FOXP2: variants seen among roughly 807,000 people sequenced by gnomAD.
FOXP2 encodes the protein forkhead box protein P2.
In FOXP2, 12 loss-of-function variants were observed where a neutral mutation model predicts 115.8. That is an observed-to-expected ratio of 0.10 (90% CI 0.07 to 0.17). The LOEUF is 0.17. FOXP2 is among the 10% of genes least tolerant of loss of function. FOXP2 has a pLI of 1.00. For missense variants in FOXP2, 629 were observed against 843.5 expected (o/e 0.75, Z 3.15); for synonymous variants, 328 against 297.7 (o/e 1.10, Z -1.05).
intron 2 of FOXP2, among the ~76,000 whole-genome samples, chr7:114,365,840 A>G (rs1791866441): frequency 6.6e-6 from 1 of 152,130 alleles, no homozygotes; most frequent in Non-Finnish European, 1.5e-5. Context: ...CATCTCTACC[A>G]TCTATGGCTA....
intron 3 of FOXP2, among the ~76,000 whole-genome samples, chr7:114,551,556 A>G (rs908423632): frequency 2.6e-5 from 4 of 152,302 alleles, no homozygotes; most frequent in African/African-American, 9.6e-5. Context: ...GTGGTTCTTT[A>G]AAACTTATTT....
In FOXP2 at chr7:114,302,830, G is replaced by T. The variant is rs111829094; in HGVS notation, c.-11+14721G>T. Among the ~76,000 whole-genome samples, 162 of 152,260 alleles carry T rather than the reference G, an allele frequency of 1.1e-3. 1 individual carries two copies. Among genetic ancestry groups the T allele is most frequent in the African/African-American group, 3.6e-3 (150 of 41,552 alleles). On this transcript the variant is annotated intron_variant, in intron 2 of 17. Coordinates refer to the FOXP2 transcript ENST00000634411. ...TGAGAAGGCTGGGAAATGGCCACAT[G>T]GTAAGGAACTGTCAACAGCCTCTCA... is the stretch of plus-strand genomic sequence containing the variant.
chr7:114,361,227 A>G (rs894966904), intron 2 of FOXP2, among the ~76,000 whole-genome samples: 4 of 152,140 alleles, frequency 2.6e-5, no homozygotes, highest in Admixed American at 6.6e-5. Context: ...TTAAATGTCA[A>G]TAAGAACTTG....
Position 114,561,321 on chromosome 7 carries a change from T to C in FOXP2, c.258+26615T>C, listed in dbSNP as rs573140682. 6 of 152,318 alleles carry C rather than the reference T, an allele frequency of 3.9e-5. No homozygotes were observed. The South Asian group carries it at 1.0e-3, about 26-fold the overall frequency. 9.4% of individuals were successfully genotyped at this position (152,318 alleles called of 1,614,324 possible). On this transcript the variant is annotated intron_variant, in intron 3 of 16. Coordinates refer to ENST00000350908, the MANE Select transcript of FOXP2 (RefSeq NM_014491.4). ...TCAATTTTTTTTTCTCGAAGAATTT[T>C]ACTCTTTCAACACCAAGGAAACTCA...
chr7:114,576,939 A>G (rs1470919260), intron 3 of FOXP2, among the ~76,000 whole-genome samples: 1 of 152,020 alleles, frequency 6.6e-6, no homozygotes, highest in Admixed American at 6.6e-5. Context: ...AATTGTGCTC[A>G]TACACAAACA....
intron 2 of FOXP2, among the ~76,000 whole-genome samples, chr7:114,430,899 G>C (rs1262634740): frequency 6.6e-6 from 1 of 151,932 alleles, no homozygotes; most frequent in Non-Finnish European, 1.5e-5. Flanking sequence ...CAATACTCAT[G>C]TAAAAGATCC....
At position 114,462,434 on chromosome 7, in the gene FOXP2, C is replaced by T. The variant is rs370555551; in HGVS notation, c.168+35755C>T. Among the ~76,000 whole-genome samples the T allele has an allele frequency of 3.9e-5, 5 of 129,764 alleles. No homozygotes were observed. The East Asian group carries it at 9.6e-4, about 25-fold the overall frequency. 85.1% of individuals were successfully genotyped at this position (129,764 alleles called of 152,430 possible). ...TCGCCCAGGCTGAAGTGCATTGGCG[C>T]TATCTCGGCTCACTGCAACCTCCGC... is the stretch of plus-strand genomic sequence containing the variant. On this transcript the variant is annotated intron_variant, in intron 2 of 16. Coordinates refer to ENST00000350908, the MANE Select transcript of FOXP2 (RefSeq NM_014491.4).
At chr7:114,644,942 T>TAA (rs1425767614) in intron 8 of FOXP2, 153 bp downstream of exon 8, 3 of 612,410 alleles carry the variant, frequency 4.9e-6, no homozygotes, top group Non-Finnish European at 8.7e-6. Flanking sequence ...AGTGGATTAG[T>TAA]AAGATCAGGC....
chr7:114,100,932 C>T (rs1790932437), intron 1 of FOXP2, among the ~76,000 whole-genome samples: 1 of 152,122 alleles, frequency 6.6e-6, no homozygotes, highest in Admixed American at 6.6e-5. Context: ...CACAGATTGT[C>T]AACTGTGAAG....
chr7:114,161,842 T>A (rs1422310531), upstream of FOXP2, among the ~76,000 whole-genome samples: 1 of 152,054 alleles, frequency 6.6e-6, no homozygotes, highest in Non-Finnish European at 1.5e-5. Context: ...AGTAGCATGA[T>A]CTCAATCTTG....
chr7:114,654,252 T>C (rs1270698910), intron 10 of FOXP2: 3 of 864,234 alleles, frequency 3.5e-6, no homozygotes, highest in Non-Finnish European at 4.9e-6. Context: ...AGTGCACAAA[T>C]CACTGCCTTG....
chr7:114,217,805 G>C (rs1217710910), intron 1 of FOXP2, among the ~76,000 whole-genome samples: 1 of 152,170 alleles, frequency 6.6e-6, no homozygotes, highest in Non-Finnish European at 1.5e-5. Flanking sequence ...TCCATGACTT[G>C]TTTTATTCTG....
chr7:114,228,364 T>C (rs1794793495), intron 1 of FOXP2, among the ~76,000 whole-genome samples: 1 of 151,996 alleles, frequency 6.6e-6, no homozygotes, highest in African/African-American at 2.4e-5. Context: ...GTGCCTTTAT[T>C]AGCTTTTCAT....
intron 2 of FOXP2, among the ~76,000 whole-genome samples, chr7:114,297,801 C>G (rs932351370): frequency 6.6e-6 from 1 of 152,180 alleles, no homozygotes; most frequent in Non-Finnish European, 1.5e-5. Context: ...TCCATGTTCC[C>G]TTGTGAGTGA....
chr7:114,417,994 C>A (rs1488912121), intron 1 of FOXP2, among the ~76,000 whole-genome samples: 1 of 151,832 alleles, frequency 6.6e-6, no homozygotes, highest in Non-Finnish European at 1.5e-5. Context: ...GTAGACATTG[C>A]AATACATTTT....
At chr7:114,335,566 G>A (rs1797833278) in intron 2 of FOXP2, among the ~76,000 whole-genome samples, 1 of 151,720 alleles carries the variant, frequency 6.6e-6, no homozygotes, top group South Asian at 2.1e-4. Flanking sequence ...TTTATCTGTG[G>A]CAAATATGAC....
At chr7:114,141,490 T>C (rs1264373652) in intron 1 of FOXP2, among the ~76,000 whole-genome samples, 1 of 151,906 alleles carries the variant, frequency 6.6e-6, no homozygotes, top group African/African-American at 2.4e-5. Context: ...TGTGAAAAAT[T>C]AGATTCTTAG....
intron 14 of FOXP2, 148 bp downstream of exon 14, chr7:114,662,334 G>C: frequency 6.3e-6 from 7 of 1,106,722 alleles, no homozygotes; most frequent in Non-Finnish European, 9.3e-6. Context: ...TCTAGGTGTA[G>C]GTGGCATAAA....
chr7:114,671,592 CT>C (rs1337244874), intron 16 of FOXP2, among the ~76,000 whole-genome samples: 1 of 152,118 alleles, frequency 6.6e-6, no homozygotes, highest in Non-Finnish European at 1.5e-5. Context: ...TAAAAATTTC[CT>C]TTCTCTAACG....
Sources: gnomAD v4.1 joint callset for allele counts (sites outside exome capture counted in the v4.1 genomes callset) on GRCh38, gnomAD v4.1.1 for gene constraint, MANE v1.5 for transcripts, NCBI Gene and HGNC (gene_info 2026-07-23, HGNC 2026-07-21) for gene names.